The following TENM2 variants were observed in gnomAD, a reference collection of about 807,000 sequenced individuals.
TENM2 encodes the protein teneurin transmembrane protein 2, also known as teneurin-2.
In TENM2, 52 loss-of-function variants were observed where a neutral mutation model predicts 245.2. The observed-to-expected ratio is 0.21, with a 90% CI of 0.17 to 0.27. The LOEUF (loss-of-function observed/expected upper bound fraction) is 0.27, where lower values mean the gene tolerates loss of function less well. TENM2 is among the 10% of genes least tolerant of loss of function. The pLI is 1.00. For missense variants in TENM2, 3,046 were observed against 3,666.8 expected (o/e 0.83, Z 4.37); for synonymous variants, 1,363 against 1,438.9 (o/e 0.95, Z 1.19).
chr5:168,203,354 C>G (rs1329175694), intron 17 of TENM2, among the ~76,000 whole-genome samples: 1 of 152,230 alleles, frequency 6.6e-6, no homozygotes, highest in African/African-American at 2.4e-5. Context: ...CTGTCCATCT[C>G]TAAAGGGGAA....
chr5:168,183,558 G>T (rs539695258), intron 13 of TENM2, among the ~76,000 whole-genome samples: 30 of 152,226 alleles, frequency 2.0e-4, no homozygotes, highest in African/African-American at 7.0e-4. Context: ...GCCTTTGCTG[G>T]CCAGCATTAA....
chr5:167,922,886 T>A (rs904807380), intron 3 of TENM2, among the ~76,000 whole-genome samples: 18 of 152,206 alleles, frequency 1.2e-4, no homozygotes, highest in African/African-American at 4.3e-4. Flanking sequence ...TGTAGATAGA[T>A]TCCCATCATG....
At chr5:167,328,974 G>A (rs923954229) in intron 1 of TENM2, among the ~76,000 whole-genome samples, 2 of 152,098 alleles carry the variant, frequency 1.3e-5, no homozygotes, top group African/African-American at 4.8e-5. Context: ...GTCTAAAATC[G>A]TGACCAATAT....
chr5:167,072,614 T>C, the TENM2 span, among the ~76,000 whole-genome samples: 208 of 152,354 alleles, frequency 1.4e-3, no homozygotes, highest in Non-Finnish European at 2.3e-3. Context: ...ATTTTATCTT[T>C]GCAACAATTT....
chr5:167,571,393 G>A (rs987072022), intron 2 of TENM2, among the ~76,000 whole-genome samples: 5 of 152,170 alleles, frequency 3.3e-5, no homozygotes, highest in Non-Finnish European at 7.3e-5. Context: ...ATCATACGCT[G>A]TCATATAAGC....
intron 2 of TENM2, among the ~76,000 whole-genome samples, chr5:167,562,384 T>TGGTGTGG (rs1773649940): frequency 6.6e-5 from 10 of 152,072 alleles, no homozygotes; most frequent in Admixed American, 6.6e-4. Flanking sequence ...AATAAATAAT[T>TGGTGTGG]GCAGAACAAT....
chr5:167,182,178 A>G, the TENM2 span, among the ~76,000 whole-genome samples: 1 of 152,310 alleles, frequency 6.6e-6, no homozygotes, highest in African/African-American at 2.4e-5. Context: ...GGAAAATAGC[A>G]TAGCTAATGA....
intron 9 of TENM2, among the ~76,000 whole-genome samples, chr5:168,103,059 G>T (rs1793949833): frequency 6.7e-6 from 1 of 148,778 alleles, no homozygotes; most frequent in Non-Finnish European, 1.5e-5. Flanking sequence ...AGGCCCCAGT[G>T]TGTGCTGTTC....
intron 2 of TENM2, among the ~76,000 whole-genome samples, chr5:167,534,709 A>G (rs79548771): frequency 0.059 from 8,900 of 152,132 alleles, 703 homozygotes; most frequent in Admixed American, 0.21. Flanking sequence ...GATAGAGGAG[A>G]CGAGACCTCG....
At chr5:168,085,358 T>C (rs1316266793) in intron 7 of TENM2, 1 of 152,208 alleles carries the variant, frequency 6.6e-6, no homozygotes, top group African/African-American at 2.4e-5. Flanking sequence ...GTAGCTTCCA[T>C]CTGCTTGATT....
the TENM2 span, among the ~76,000 whole-genome samples, chr5:167,199,492 T>G: frequency 6.6e-6 from 1 of 152,024 alleles, no homozygotes; most frequent in African/African-American, 2.4e-5. Flanking sequence ...ACATTTCTCA[T>G]TCTCCTCTCA....
At chr5:167,039,695 A>G in the TENM2 span, among the ~76,000 whole-genome samples, 6 of 151,974 alleles carry the variant, frequency 3.9e-5, 1 homozygote, top group South Asian at 1.0e-3. Context: ...ATGAAGCCTT[A>G]CATAAGTGTT....
At chr5:167,167,902 C>A in the TENM2 span, among the ~76,000 whole-genome samples, 1 of 152,096 alleles carries the variant, frequency 6.6e-6, no homozygotes, top group Non-Finnish European at 1.5e-5. Flanking sequence ...GACAAGTGTG[C>A]CTACACTGAA....
At chr5:167,016,227 C>T in the TENM2 span, among the ~76,000 whole-genome samples, 599 of 147,818 alleles carry the variant, frequency 4.1e-3, 7 homozygotes, top group African/African-American at 0.013. Flanking sequence ...ACATTCCAGC[C>T]TGGGCAACAG....
intron 2 of TENM2, among the ~76,000 whole-genome samples, chr5:167,586,877 G>T (rs1220603490): frequency 6.6e-6 from 1 of 151,940 alleles, no homozygotes; most frequent in Non-Finnish European, 1.5e-5. Context: ...TGAAAAAATA[G>T]ACCTTTGACT....
chr5:167,250,926 A>T, the TENM2 span, among the ~76,000 whole-genome samples: 1 of 152,112 alleles, frequency 6.6e-6, no homozygotes, highest in African/African-American at 2.4e-5. Flanking sequence ...GAGAAGTTAT[A>T]TTGATTGGAT....
chr5:166,986,803 C>T, the TENM2 span, among the ~76,000 whole-genome samples: 2 of 152,158 alleles, frequency 1.3e-5, no homozygotes, highest in East Asian at 3.9e-4. Flanking sequence ...TCAGTTCAAG[C>T]ACTGTAGATT....
intron 1 of TENM2, among the ~76,000 whole-genome samples, chr5:167,290,633 C>T (rs909566688): frequency 1.3e-5 from 2 of 152,128 alleles, no homozygotes; most frequent in Non-Finnish European, 1.5e-5. Context: ...ATCCACCATA[C>T]ATTTCTTTCC....
intron 2 of TENM2, among the ~76,000 whole-genome samples, chr5:167,612,851 GGAAAATCTTCAA>G (rs1267321000): frequency 2.6e-5 from 4 of 152,024 alleles, no homozygotes; most frequent in African/African-American, 9.7e-5. Flanking sequence ...GGTGGCATTT[GGAAAATCTTCAA>G]GAGGCTTATT....
Sources: gnomAD v4.1 joint callset for allele counts (sites outside exome capture counted in the v4.1 genomes callset) on GRCh38, gnomAD v4.1.1 for gene constraint, MANE v1.5 for transcripts, NCBI Gene and HGNC (gene_info 2026-07-23, HGNC 2026-07-21) for gene names.